Variants in DGKG observed in about 807,000 individuals in gnomAD.
The protein encoded by DGKG is diacylglycerol kinase gamma.
DGKG carries 78 observed loss-of-function variants against 105.3 expected under a neutral mutation model. The observed-to-expected ratio is 0.74, with a 90% CI of 0.62 to 0.89. The LOEUF (loss-of-function observed/expected upper bound fraction) is 0.89. Ranked by LOEUF, DGKG falls within the 40% of genes least tolerant of loss-of-function variation. DGKG has a pLI of 0.00. For missense variants in DGKG, 958 were observed against 1,020.1 expected, an observed-to-expected ratio of 0.94 and a Z score of 0.83; for synonymous variants, 346 against 367.1, an observed-to-expected ratio of 0.94 and a Z score of 0.66.
intron 1 of DGKG, among the ~76,000 whole-genome samples, chr3:186,327,575 T>C (rs1725408702): frequency 6.6e-6 from 1 of 151,760 alleles, no homozygotes; most frequent in African/African-American, 2.4e-5. Context: ...CTGCTAATTT[T>C]TTTTTTTTTT....
Position 186,362,051 on chromosome 3 carries a change from A to G in DGKG, c.-354T>C, listed in dbSNP as rs1024283829. The G allele has an allele frequency of 6.6e-6, 1 of 152,204 alleles. No individual in the cohort carries two copies. The highest frequency in any genetic ancestry group is 2.4e-5 in the African/African-American group (1 of 41,408). The allele number at this position is 152,204 out of a possible 1,614,324, so 9.4% of individuals were successfully genotyped here. Reference sequence around the variant, plus strand: ...GAACCGAGAGACAGAAGGGGGACCGAAGCTGGCCTCTGGGCGTCTTCCCGC... The same window carrying G: ...GAACCGAGAGACAGAAGGGGGACCGGAGCTGGCCTCTGGGCGTCTTCCCGC... On this transcript the variant is annotated 5_prime_UTR_variant, in exon 1 of 25. Transcript: ENST00000265022.
At position 186,147,641 on chromosome 3, in the gene DGKG, G is replaced by A. The variant is rs1418076262; in HGVS notation, c.*2449C>T. The stretch of plus-strand genomic sequence containing the variant: ...AAGTCCTGTGCACTAGGGTGCAGCA[G>A]GTAAGGGCCATTTTCTGCACTGCCC... On this transcript the variant is annotated 3_prime_UTR_variant, in exon 25 of 25. Coordinates refer to ENST00000265022, the MANE Select transcript of DGKG (RefSeq NM_001346.3). 4.1e-6 allele frequency: 4 copies of A among 985,444 alleles called. No individual in the cohort carries two copies. Among genetic ancestry groups the A allele is most frequent in the Non-Finnish European group, 4.8e-6 (4 of 829,938 alleles). 61.0% of individuals were successfully genotyped at this position (985,444 alleles called of 1,614,324 possible). A position where few individuals can be genotyped will look rare whatever the true frequency, so the allele number is the denominator to read the frequency against.
intron 5 of DGKG, among the ~76,000 whole-genome samples, chr3:186,294,180 C>T (rs939105907): frequency 1.3e-5 from 2 of 152,074 alleles, no homozygotes; most frequent in African/African-American, 4.8e-5. Context: ...AGCTAATTTC[C>T]GTTATCATCA....
At chr3:186,287,028 C>T (rs983078876) in intron 6 of DGKG, among the ~76,000 whole-genome samples, 4 of 22,286 alleles carry the variant, frequency 1.8e-4, no homozygotes, top group Non-Finnish European at 3.7e-4. Flanking sequence ...GAGCAAAACT[C>T]CATCTCAAAA....
intron 17 of DGKG, among the ~76,000 whole-genome samples, chr3:186,254,966 C>T (rs958915303): frequency 2.0e-5 from 3 of 152,212 alleles, no homozygotes; most frequent in South Asian, 4.1e-4. Context: ...ACATGTCAAC[C>T]GTTCTCAAGT....
rs67637144 is a variant in DGKG, at chr3:186,299,837, CTTTTT to C, written c.145-1613_145-1609del. Among the ~76,000 whole-genome samples, 130 of 90,050 alleles carry C rather than the reference CTTTTT, an allele frequency of 1.4e-3. 1 individual carries two copies. The highest frequency in any genetic ancestry group is 2.6e-3 in the Non-Finnish European group (114 of 44,118). 59.1% of individuals were successfully genotyped at this position (90,050 alleles called of 152,430 possible). On this transcript the variant is annotated intron_variant, in intron 3 of 24. Coordinates refer to ENST00000265022, the MANE Select transcript of DGKG (RefSeq NM_001346.3). The stretch of plus-strand genomic sequence containing the variant: ...TCTTTCTTTCTTTCTTTCTTTCTTT[CTTTTT>C]TTTTTTTTTTGAGATAGAGCCTTGC...
chr3:186,265,172 C>A, intron 14 of DGKG, 75 bp downstream of exon 14: 2 of 1,455,172 alleles, frequency 1.4e-6, no homozygotes, highest in Non-Finnish European at 1.9e-6. Flanking sequence ...TTCTGTAGAA[C>A]CCAAACCCCG....
At chr3:186,307,377 A>T (rs1040696251) in intron 2 of DGKG, among the ~76,000 whole-genome samples, 4 of 152,172 alleles carry the variant, frequency 2.6e-5, no homozygotes, top group Admixed American at 1.3e-4. Context: ...TTACATTTCC[A>T]GACATCCCTG....
At position 186,162,691 on chromosome 3, in the gene DGKG, C is replaced by G. The variant is rs539120582; in HGVS notation, c.2217-1028G>C. On this transcript the variant is annotated intron_variant, in intron 23 of 24. Transcript: ENST00000265022. The stretch of plus-strand genomic sequence containing the variant: ...AGTAACTGGGACTATAGGTGCCTGC[C>G]ACCATGTCCAGCTAATTTTTTTTTG... Among the ~76,000 whole-genome samples the G allele has an allele frequency of 2.5e-4, 36 of 141,902 alleles. 3 individuals carry two copies. In the South Asian group the frequency reaches 8.1e-3, roughly 32 times the overall value. 93.1% of individuals were successfully genotyped at this position (141,902 alleles called of 152,430 possible).
chr3:186,204,968 C>A (rs570072397), intron 21 of DGKG, among the ~76,000 whole-genome samples: 1 of 151,990 alleles, frequency 6.6e-6, no homozygotes, highest in African/African-American at 2.4e-5. Context: ...TTAAAAGTGA[C>A]GAACCAGGCC....
At chr3:186,158,329 T>G (rs1208594186) in intron 24 of DGKG, 1 of 932,508 alleles carries the variant, frequency 1.1e-6, no homozygotes, top group Non-Finnish European at 1.3e-6. Context: ...TAGTTTAGGC[T>G]ATATTCTATA....
chr3:186,302,538 GTATATATATATATATATATACACATA>G (rs1724017504), intron 3 of DGKG, among the ~76,000 whole-genome samples: 5 of 35,138 alleles, frequency 1.4e-4, no homozygotes, highest in South Asian at 9.0e-4. Flanking sequence ...ATATACATAT[GTATATATATATATATATATACACATA>G]TGTATATATA....
intron 20 of DGKG, among the ~76,000 whole-genome samples, chr3:186,241,181 T>A (rs1720668169): frequency 6.6e-6 from 1 of 152,080 alleles, no homozygotes; most frequent in African/African-American, 2.4e-5. Flanking sequence ...GGCTGTGGGG[T>A]CAGGACAAAG....
At chr3:186,195,028 C>G (rs1386079664) in intron 21 of DGKG, among the ~76,000 whole-genome samples, 1 of 152,040 alleles carries the variant, frequency 6.6e-6, no homozygotes, top group African/African-American at 2.4e-5. Flanking sequence ...TCGCTTGAAC[C>G]CGGGAGGCGG....
chr3:186,212,836 A>T (rs1006636984), intron 20 of DGKG, among the ~76,000 whole-genome samples: 1 of 152,194 alleles, frequency 6.6e-6, no homozygotes, highest in African/African-American at 2.4e-5. Context: ...CTAAGGAAGG[A>T]TTAAACAAAA....
chr3:186,204,235 C>A (rs57508615), intron 21 of DGKG, among the ~76,000 whole-genome samples: 4,978 of 152,110 alleles, frequency 0.033, 278 homozygotes, highest in African/African-American at 0.11. Flanking sequence ...ATGGTGAAAC[C>A]CCATCTCTAC....
chr3:186,209,028 C>T lies in DGKG; in HGVS notation c.1917+2767G>A, dbSNP rs981544672. Among the ~76,000 whole-genome samples, 9 of 150,630 alleles carry T rather than the reference C, an allele frequency of 6.0e-5. No individual in the cohort carries two copies. In the South Asian group the frequency reaches 6.3e-4, roughly 11 times the overall value. ...ATAGCATATTAGGACATGTTATGGT[C>T]GGCAGTCAAAGCACGTGACTTTTTC... On this transcript the variant is annotated intron_variant, in intron 21 of 24. Transcript: ENST00000265022.
chr3:186,227,404 C>T (rs1056638069), intron 20 of DGKG, among the ~76,000 whole-genome samples: 2 of 152,204 alleles, frequency 1.3e-5, no homozygotes, highest in Non-Finnish European at 2.9e-5. Context: ...TTCCCAATGG[C>T]ACACAGTAAG....
intron 6 of DGKG, among the ~76,000 whole-genome samples, chr3:186,287,513 T>A (rs1723125374): frequency 6.6e-6 from 1 of 152,224 alleles, no homozygotes; most frequent in Non-Finnish European, 1.5e-5. Context: ...TAACATTTCT[T>A]TGCATGGTCA....
Sources: gnomAD v4.1 joint callset for allele counts (sites outside exome capture counted in the v4.1 genomes callset) on GRCh38, gnomAD v4.1.1 for gene constraint, MANE v1.5 for transcripts, NCBI Gene and HGNC (gene_info 2026-07-23, HGNC 2026-07-21) for gene names.